FHIT: variants seen among roughly 807,000 people sequenced by gnomAD.
The protein encoded by FHIT is bis(5'-adenosyl)-triphosphatase.
In FHIT, 19 loss-of-function variants were observed where a neutral mutation model predicts 17.9. The observed-to-expected ratio is 1.06, with a 90% CI of 0.74 to 1.56. FHIT has a LOEUF of 1.56. FHIT is among the 40% of genes most tolerant of loss of function. The probability of loss-of-function intolerance (pLI) is 0.00; values close to 1 mark genes in which losing one functional copy is unlikely to be tolerated. For synonymous variants in FHIT, 81 were observed against 69.7 expected, an observed-to-expected ratio of 1.16 and a Z score of -0.81; for missense variants, 248 against 189.2, an observed-to-expected ratio of 1.31 and a Z score of -1.82.
At chr3:60,154,896 AG>A (rs1329870547) in intron 5 of FHIT, among the ~76,000 whole-genome samples, 2 of 152,174 alleles carry the variant, frequency 1.3e-5, no homozygotes, top group Non-Finnish European at 2.9e-5. Flanking sequence ...GCACCAAGTT[AG>A]GTTGTTCAAG....
intron 8 of FHIT, among the ~76,000 whole-genome samples, chr3:59,888,693 C>T (rs1055612721): frequency 3.9e-5 from 6 of 152,150 alleles, no homozygotes; most frequent in African/African-American, 1.4e-4. Flanking sequence ...GTCTCCATAC[C>T]ACCAGTGATA....
In FHIT at chr3:59,748,262, C is replaced by G. The variant is rs188955141; in HGVS notation, c.*1323G>C. ...CAAAAAGTGAATCAAGTAAATAATG[C>G]TCTAGGTGGTCCACAAAGATAAGAA... On this transcript the variant is annotated 3_prime_UTR_variant, in exon 10 of 10. Transcript: ENST00000492590. Among the ~76,000 whole-genome samples the G allele has an allele frequency of 3.8e-4, 58 of 151,974 alleles. 1 individual carries two copies. The East Asian group carries it at 0.01, about 27-fold the overall frequency.
chr3:60,149,086 G>A (rs1700354993), intron 5 of FHIT, among the ~76,000 whole-genome samples: 1 of 152,100 alleles, frequency 6.6e-6, no homozygotes, highest in Non-Finnish European at 1.5e-5. Context: ...AACCCTTCTC[G>A]AAACCAGCTC....
chr3:60,360,460 T>A (rs1279653150), intron 5 of FHIT, among the ~76,000 whole-genome samples: 1 of 152,042 alleles, frequency 6.6e-6, no homozygotes, highest in African/African-American at 2.4e-5. Flanking sequence ...TAGAAGAATG[T>A]TATGGTAGAA....
At chr3:60,204,444 G>GTTTTTTTTTT (rs56126245) in intron 5 of FHIT, among the ~76,000 whole-genome samples, 4 of 114,942 alleles carry the variant, frequency 3.5e-5, no homozygotes, top group Admixed American at 1.7e-4. Context: ...TAATATTCTG[G>GTTTTTTTTTT]TTTTTTTTTT....
intron 3 of FHIT, among the ~76,000 whole-genome samples, chr3:60,891,292 C>A (rs1705506148): frequency 6.6e-6 from 1 of 152,146 alleles, no homozygotes; most frequent in East Asian, 1.9e-4. Flanking sequence ...TATTCTTAGT[C>A]CATGTTGCTC....
At chr3:61,135,255 G>C (rs1283719349) in intron 2 of FHIT, among the ~76,000 whole-genome samples, 1 of 152,196 alleles carries the variant, frequency 6.6e-6, no homozygotes, top group African/African-American at 2.4e-5. Context: ...TTCTTTCAAT[G>C]ATTTTTGGCC....
chr3:61,031,825 T>G (rs898590263), intron 3 of FHIT, among the ~76,000 whole-genome samples: 9 of 149,972 alleles, frequency 6.0e-5, no homozygotes, highest in African/African-American at 2.3e-4. Flanking sequence ...CGCCATCGCC[T>G]GAGATTTATT....
chr3:61,128,460 A>T (rs1426170551), intron 2 of FHIT, among the ~76,000 whole-genome samples: 1 of 152,148 alleles, frequency 6.6e-6, no homozygotes, highest in Non-Finnish European at 1.5e-5. Context: ...AATTTTTTTT[A>T]ATCTAACCTG....
intron 2 of FHIT, among the ~76,000 whole-genome samples, chr3:61,178,608 C>A (rs2038229549): frequency 6.6e-6 from 1 of 151,360 alleles, no homozygotes; most frequent in Non-Finnish European, 1.5e-5. Context: ...AGGTAGAAAC[C>A]TTAAGATATA....
intron 4 of FHIT, among the ~76,000 whole-genome samples, chr3:60,584,836 G>A (rs1369782479): frequency 6.6e-6 from 1 of 151,822 alleles, no homozygotes; most frequent in Admixed American, 6.6e-5. Context: ...GTAATATCTA[G>A]CAATGTTCTA....
intron 3 of FHIT, among the ~76,000 whole-genome samples, chr3:61,030,499 C>T (rs1028279185): frequency 6.6e-6 from 1 of 152,188 alleles, no homozygotes; most frequent in Non-Finnish European, 1.5e-5. Flanking sequence ...TCTCAATTAG[C>T]ACATGTGGCT....
chr3:60,310,435 G>C (rs76985480), intron 5 of FHIT, among the ~76,000 whole-genome samples: 1 of 152,076 alleles, frequency 6.6e-6, no homozygotes, highest in Non-Finnish European at 1.5e-5. Flanking sequence ...AAGTGAGAAA[G>C]ACCAACAGAA....
chr3:60,148,227 C>A (rs984787216), intron 5 of FHIT, among the ~76,000 whole-genome samples: 1 of 152,118 alleles, frequency 6.6e-6, no homozygotes, highest in South Asian at 2.1e-4. Flanking sequence ...ATACATTACA[C>A]ATATCAATAA....
intron 3 of FHIT, among the ~76,000 whole-genome samples, chr3:60,845,993 TA>T (rs1336225918): frequency 6.6e-6 from 1 of 152,230 alleles, no homozygotes; most frequent in Non-Finnish European, 1.5e-5. Flanking sequence ...ACTTGTATGA[TA>T]AGCCTCTTGC....
rs189578462 is a variant in FHIT, at chr3:60,965,886, A to T, written c.-111+76161T>A. ...CTCCCAGTTAGGCTACTTGGGTCTCAGGGACCCACTTGAGGAGGCATTCTG... is the reference window on the plus strand; with the variant it reads ...CTCCCAGTTAGGCTACTTGGGTCTCTGGGACCCACTTGAGGAGGCATTCTG... On this transcript the variant is annotated intron_variant, in intron 3 of 9. Coordinates refer to ENST00000492590, the MANE Select transcript of FHIT (RefSeq NM_002012.4). Among the ~76,000 whole-genome samples the T allele has an allele frequency of 3.3e-5, 5 of 152,324 alleles. No individual in the cohort carries two copies. The East Asian group carries it at 9.7e-4, about 29-fold the overall frequency.
chr3:60,679,566 A>G (rs1349943004), intron 4 of FHIT, among the ~76,000 whole-genome samples: 3 of 152,136 alleles, frequency 2.0e-5, no homozygotes, highest in African/African-American at 7.2e-5. Flanking sequence ...ATTTTAAAAC[A>G]CTACCTTATG....
chr3:60,129,724 T>C (rs776129062), intron 5 of FHIT, among the ~76,000 whole-genome samples: 2 of 152,208 alleles, frequency 1.3e-5, no homozygotes, highest in African/African-American at 2.4e-5. Context: ...TGTTTTGTTA[T>C]CAAGTTAAAG....
At chr3:60,423,948 T>C (rs1215322804) in intron 5 of FHIT, among the ~76,000 whole-genome samples, 2 of 152,198 alleles carry the variant, frequency 1.3e-5, no homozygotes, top group African/African-American at 2.4e-5. Context: ...AAAACACTGA[T>C]AGTATAACAA....
Sources: gnomAD v4.1 joint callset for allele counts (sites outside exome capture counted in the v4.1 genomes callset) on GRCh38, gnomAD v4.1.1 for gene constraint, MANE v1.5 for transcripts, NCBI Gene and HGNC (gene_info 2026-07-23, HGNC 2026-07-21) for gene names.